TBX1: variants seen among roughly 807,000 people sequenced by gnomAD.
The protein encoded by TBX1 is T-box transcription factor TBX1.
TBX1 carries 16 observed loss-of-function variants against 40.8 expected under a neutral mutation model. The observed-to-expected ratio is 0.39, with a 90% CI of 0.27 to 0.60. The LOEUF is 0.60. Among genes scored for constraint, TBX1 ranks in the 20% least tolerant of loss-of-function variants. The pLI is 0.51. For missense variants in TBX1, 755 were observed against 728.5 expected, an observed-to-expected ratio of 1.04 and a Z score of -0.42; for synonymous variants, 403 against 336.8, an observed-to-expected ratio of 1.20 and a Z score of -2.15.
chr22:19,761,517 C>T (rs1936663020), intron 1 of TBX1, among the ~76,000 whole-genome samples: 2 of 151,692 alleles, frequency 1.3e-5, no homozygotes, highest in South Asian at 4.1e-4. Context: ...GGAGACGGCG[C>T]GGGCCGCACG....
rs766467654 is a variant in TBX1, at chr22:19,761,264, G to A, written c.421G>A (p.Val141Ile). The change falls in exon 1 of 7, where the codon GTC becomes ATC. Residue 141 changes from valine (V) to isoleucine (I), a missense_variant. By Grantham distance (29) the Val-to-Ile change is conservative. This residue lies in a region of TBX1 where 144 missense variants were observed against 238.0 expected (regional missense o/e 0.61). Coordinates refer to ENST00000649276, the MANE Select transcript of TBX1 (RefSeq NM_001379200.1). ...CAACCAGCTGGGCACCGAGATGATCGTCACCAAGGCCGGCAGGTCAGGGCG... is the reference window on the plus strand; with the variant it reads ...CAACCAGCTGGGCACCGAGATGATCATCACCAAGGCCGGCAGGTCAGGGCG... Reference protein sequence around the residue: ...EFNQLGTEMIVTKAGRRMFPT... With the variant: ...EFNQLGTEMIITKAGRRMFPT... 3.2e-6 allele frequency: 5 copies of A among 1,561,878 alleles called. No homozygotes were observed. The highest frequency in any genetic ancestry group is 1.1e-5 in the South Asian group (1 of 88,000).
Position 19,765,733 on chromosome 22 carries a change from C to T in TBX1, c.868-25C>T, listed in dbSNP as rs1269770067. The T allele has an allele frequency of 6.2e-6, 10 of 1,610,880 alleles. 1 individual carries two copies. In the South Asian group the frequency reaches 9.9e-5, roughly 16 times the overall value. On this transcript the variant is annotated intron_variant, in intron 4 of 6. Coordinates refer to ENST00000649276, the MANE Select transcript of TBX1 (RefSeq NM_001379200.1). ...GGCCCAGGCTGCAGGGCTCCAGCGG[C>T]TTGCTCACACCCACCTCCCTGCAGA...
chr22:19,760,052 A>G (rs1936590940), upstream of TBX1, among the ~76,000 whole-genome samples: 2 of 152,172 alleles, frequency 1.3e-5, no homozygotes, highest in Non-Finnish European at 2.9e-5. Context: ...GAAATTGAGC[A>G]AAGGGGAGAA....
intron 8 of TBX1, among the ~76,000 whole-genome samples, chr22:19,776,139 G>A (rs1042075386): frequency 6.6e-6 from 1 of 152,146 alleles, no homozygotes; most frequent in African/African-American, 2.4e-5. Context: ...AGTCCCAGCG[G>A]CTTCCCCAGG....
chr22:19,778,347 C>A (rs41298648), intron 8 of TBX1, among the ~76,000 whole-genome samples: 2 of 152,052 alleles, frequency 1.3e-5, no homozygotes, highest in Non-Finnish European at 1.5e-5. Context: ...GTGATCCTCC[C>A]GCTTTTGCCC....
chr22:19,764,996 C>T lies in TBX1; in HGVS notation c.750C>T (p.Phe250=), dbSNP rs1395131640. The change falls in exon 4 of 7, where the codon TTC becomes TTT. Residue 250 remains phenylalanine, a synonymous_variant. Transcript: ENST00000649276. ...CCATGCACAGATACCAGCCCCGCTT[C>T]CACGTGGTCTATGTGGACCCACGCA... The part of the protein sequence containing the change: ...LNSMHRYQPR[F]HVVYVDPRKD... 3.1e-6 allele frequency: 5 copies of T among 1,614,102 alleles called. No individual in the cohort carries two copies. Among genetic ancestry groups the T allele is most frequent in the Non-Finnish European group, 4.2e-6 (5 of 1,180,044 alleles).
In TBX1 at chr22:19,763,475, A is replaced by T. The variant is rs924413299; in HGVS notation, c.539+133A>T. The T allele has an allele frequency of 4.0e-6, 3 of 754,620 alleles. No homozygotes were observed. In the African/African-American group the frequency reaches 5.2e-5, roughly 13 times the overall value. The allele number at this position is 754,620 out of a possible 1,614,324, so 46.7% of individuals were successfully genotyped here. A position where few individuals can be genotyped will look rare whatever the true frequency, so the allele number is the denominator to read the frequency against. On this transcript the variant is annotated intron_variant, in intron 2 of 6. Transcript: ENST00000649276. ...AGGCACCTGCGATGCTGCCCGATCA[A>T]CCCGCTCCCTCCTCCACTCCCATCT... is the stretch of plus-strand genomic sequence containing the variant.
Position 19,767,091 on chromosome 22 carries a change from C to T in TBX1, c.*224C>T. The T allele has an allele frequency of 7.9e-7, 1 of 1,266,366 alleles. No homozygotes were observed. The highest frequency in any genetic ancestry group is 9.9e-7 in the Non-Finnish European group (1 of 1,008,674). The allele number at this position is 1,266,366 out of a possible 1,614,324, so 78.4% of individuals were successfully genotyped here. Reference sequence around the variant, plus strand: ...CCCAGTCCCTGGAGCCACCGCGGGTCCTTCCCCGGCCCCGAGGGCCAAGGG... The same window carrying T: ...CCCAGTCCCTGGAGCCACCGCGGGTTCTTCCCCGGCCCCGAGGGCCAAGGG... On this transcript the variant is annotated 3_prime_UTR_variant, in exon 7 of 7. Transcript: ENST00000649276.
At position 19,761,246 on chromosome 22, in the gene TBX1, C is replaced by T; in HGVS notation, c.403C>T (p.Leu135=). The T allele has an allele frequency of 6.4e-7, 1 of 1,569,652 alleles. No individual in the cohort carries two copies. The change falls in exon 1 of 7, where the codon CTG becomes TTG. Residue 135 remains leucine, a synonymous_variant. Transcript: ENST00000649276. ...GGCGCTGTGGGACGAGTTCAACCAGCTGGGCACCGAGATGATCGTCACCAA... is the reference window on the plus strand; with the variant it reads ...GGCGCTGTGGGACGAGTTCAACCAGTTGGGCACCGAGATGATCGTCACCAA... ...MKALWDEFNQ[L]GTEMIVTKAG... is the part of the protein sequence containing the mutation.
chr22:19,767,997 G>T (rs976908953), downstream of TBX1, among the ~76,000 whole-genome samples: 1 of 152,198 alleles, frequency 6.6e-6, no homozygotes, highest in Admixed American at 6.5e-5. Context: ...TGTGTATGAA[G>T]CATTTTTCCC....
At chr22:19,778,685 T>G (rs1288783971) in intron 8 of TBX1, among the ~76,000 whole-genome samples, 1 of 152,166 alleles carries the variant, frequency 6.6e-6, no homozygotes, top group African/African-American at 2.4e-5. Flanking sequence ...TCCGCCTGCC[T>G]CAGCCTCCCA....
At chr22:19,773,054 G>A (rs1360120648) in intron 8 of TBX1, among the ~76,000 whole-genome samples, 1 of 152,230 alleles carries the variant, frequency 6.6e-6, no homozygotes, top group African/African-American at 2.4e-5. Flanking sequence ...CAGAGTGGCC[G>A]CTAGCTGGTG....
chr22:19,769,634 G>A (rs568091036), downstream of TBX1, among the ~76,000 whole-genome samples: 1 of 152,344 alleles, frequency 6.6e-6, no homozygotes, highest in Admixed American at 6.5e-5. Flanking sequence ...AGCCACTACC[G>A]TTCCTGTGGA....
downstream of TBX1, among the ~76,000 whole-genome samples, chr22:19,768,863 A>C (rs1478087815): frequency 6.7e-6 from 1 of 150,338 alleles, no homozygotes; most frequent in African/African-American, 2.5e-5. Context: ...CTGGCCTGTT[A>C]CCGTGCCCCT....
downstream of TBX1, among the ~76,000 whole-genome samples, chr22:19,780,776 G>GTTTT (rs564336679): frequency 0.046 from 5,486 of 118,430 alleles, 557 homozygotes; most frequent in Non-Finnish European, 0.053. Context: ...CTTGTTTTCT[G>GTTTT]TTTTTTTTTT....
chr22:19,782,566 C>T (rs1937152228), downstream of TBX1, among the ~76,000 whole-genome samples: 1 of 152,112 alleles, frequency 6.6e-6, no homozygotes, highest in South Asian at 2.1e-4. Flanking sequence ...ATTATCCTTT[C>T]ATTTGGAGAT....
downstream of TBX1, among the ~76,000 whole-genome samples, chr22:19,767,590 C>A (rs938615008): frequency 1.3e-5 from 2 of 152,232 alleles, no homozygotes; most frequent in East Asian, 1.9e-4. Flanking sequence ...TTCCCACCGT[C>A]CCGTCTCATC....
upstream of TBX1, among the ~76,000 whole-genome samples, chr22:19,757,108 G>A (rs991557921): frequency 9.9e-5 from 15 of 152,190 alleles, no homozygotes; most frequent in African/African-American, 3.6e-4. Flanking sequence ...GAGCAACGGG[G>A]TCCGGGGGTC....
At chr22:19,770,050 C>T (rs550559140), downstream of TBX1, among the ~76,000 whole-genome samples, 17 of 152,288 alleles carry the variant, frequency 1.1e-4, no homozygotes, top group African/African-American at 3.6e-4. Context: ...CGTCCCACCG[C>T]TGTTCCCCCA....
Sources: gnomAD v4.1 joint callset for allele counts (sites outside exome capture counted in the v4.1 genomes callset) on GRCh38, gnomAD v4.1.1 for gene constraint, gnomAD v4.1.1 regional missense constraint, MANE v1.5 for transcripts, NCBI Gene and HGNC (gene_info 2026-07-23, HGNC 2026-07-21) for gene names.